The following CD300LF variants were observed in gnomAD, a reference collection of about 807,000 sequenced individuals.
The protein encoded by CD300LF is CD300 molecule like family member f, also known as CMRF35-like molecule 1.
Under a neutral mutation model 32.2 loss-of-function variants are expected in CD300LF, and 27 were observed. The observed-to-expected ratio is 0.84, with a 90% CI of 0.62 to 1.15. The LOEUF (loss-of-function observed/expected upper bound fraction) is 1.15, where lower values mean the gene tolerates loss of function less well. Ranked by LOEUF, CD300LF falls within the 50% of genes most tolerant of loss-of-function variation. The pLI is 0.00. For synonymous variants in CD300LF, 139 were observed against 143.2 expected (o/e 0.97, Z 0.21); for missense variants, 348 against 356.8 (o/e 0.98, Z 0.20).
chr17:74,702,082 G>T (rs1258446235), intron 3 of CD300LF, among the ~76,000 whole-genome samples: 5 of 152,012 alleles, frequency 3.3e-5, no homozygotes, highest in African/African-American at 1.2e-4. Flanking sequence ...GCAAATGGGA[G>T]AGGGGGAGTA....
chr17:74,695,210 G>C lies in CD300LF; in HGVS notation c.759C>G (p.Thr253=), dbSNP rs1425145700. ...PKEDISYASL[T]LGAEDQEPTY... is the part of the protein sequence containing the mutation. ...TCGGTTCCTGATCCTCAGCACCCAAGGTCAGAGATGCATAGGAAATGTCCT... is the reference window on the plus strand; with the variant it reads ...TCGGTTCCTGATCCTCAGCACCCAACGTCAGAGATGCATAGGAAATGTCCT... The change falls in exon 7 of 7, where the codon ACC becomes ACG. Residue 253 remains threonine, a synonymous_variant. Transcript: ENST00000326165. The C allele has an allele frequency of 6.2e-7, 1 of 1,614,056 alleles. No individual in the cohort carries two copies. Among genetic ancestry groups the C allele is most frequent in the Non-Finnish European group, 8.5e-7 (1 of 1,180,026 alleles).
At chr17:74,701,191 C>T (rs1417780806) in intron 3 of CD300LF, among the ~76,000 whole-genome samples, 1 of 152,224 alleles carries the variant, frequency 6.6e-6, no homozygotes, top group Admixed American at 6.5e-5. Flanking sequence ...TCCTTCATCA[C>T]TGGATGTGCA....
At chr17:74,706,969 AC>A (rs1361240980) in intron 1 of CD300LF, among the ~76,000 whole-genome samples, 2 of 152,216 alleles carry the variant, frequency 1.3e-5, no homozygotes, top group African/African-American at 2.4e-5. Context: ...TTATCTCACA[AC>A]ATATACAAAA....
At chr17:74,705,020 C>T (rs1385161631) in intron 1 of CD300LF, among the ~76,000 whole-genome samples, 4 of 152,196 alleles carry the variant, frequency 2.6e-5, no homozygotes, top group Non-Finnish European at 5.9e-5. Context: ...AGCACAACAA[C>T]GGATCCCCCC....
intron 3 of CD300LF, among the ~76,000 whole-genome samples, chr17:74,702,332 A>G (rs2143721885): frequency 6.6e-6 from 1 of 152,124 alleles, no homozygotes; most frequent in South Asian, 2.1e-4. Context: ...AGAGACTTCC[A>G]TCCAAGCTCC....
rs764335923 is a variant in CD300LF, at chr17:74,704,522, G to C, written c.338C>G (p.Thr113Ser). ...AACTGTGACCCCAAGGTCATTTCCA[G>C]TTTTCTCAATTCCACACCAGTAAGT... The part of the protein sequence containing the change: ...ADTYWCGIEK[T>S]GNDLGVTVQV... The change falls in exon 2 of 7, where the codon ACT becomes AGT. Residue 113 changes from threonine to serine, a missense_variant. Thr to Ser is a moderately conservative substitution (Grantham distance 58). Transcript: ENST00000326165. 2 of 1,613,962 alleles carry C rather than the reference G, an allele frequency of 1.2e-6. No homozygotes were observed. The highest frequency in any genetic ancestry group is 1.7e-6 in the Non-Finnish European group (2 of 1,180,010).
chr17:74,702,455 A>G (rs553148567), intron 3 of CD300LF, among the ~76,000 whole-genome samples: 1 of 152,340 alleles, frequency 6.6e-6, no homozygotes, highest in South Asian at 2.1e-4. Context: ...AAGGTCAAAG[A>G]AAACAAAATA....
At chr17:74,701,803 T>C (rs2143706308) in intron 3 of CD300LF, among the ~76,000 whole-genome samples, 1 of 149,166 alleles carries the variant, frequency 6.7e-6, no homozygotes, top group East Asian at 2.0e-4. Flanking sequence ...TGAGCTGAGA[T>C]TATACTACTG....
intron 3 of CD300LF, among the ~76,000 whole-genome samples, chr17:74,700,168 T>TAAAC (rs1358953735): frequency 0.017 from 1,297 of 77,002 alleles, 23 homozygotes; most frequent in African/African-American, 0.037. Context: ...AATAAATAAA[T>TAAAC]AAACAAACAA....
At chr17:74,700,678 G>A (rs1454934632) in intron 3 of CD300LF, among the ~76,000 whole-genome samples, 4 of 152,000 alleles carry the variant, frequency 2.6e-5, no homozygotes, top group African/African-American at 7.3e-5. Context: ...CTTGAACCTG[G>A]GAGGCGTAGG....
chr17:74,706,212 T>C (rs555020288), intron 1 of CD300LF, among the ~76,000 whole-genome samples: 3 of 151,660 alleles, frequency 2.0e-5, no homozygotes, highest in African/African-American at 7.3e-5. Context: ...TCATGCAATA[T>C]ATCCATGTAA....
intron 2 of CD300LF, among the ~76,000 whole-genome samples, chr17:74,703,601 G>C (rs2033254863): frequency 6.6e-6 from 1 of 152,192 alleles, no homozygotes; most frequent in Non-Finnish European, 1.5e-5. Flanking sequence ...CTTTGGGCAA[G>C]TTACAAAACT....
chr17:74,696,233 C>T lies in CD300LF; in HGVS notation c.560-16G>A. The T allele has an allele frequency of 1.2e-6, 2 of 1,604,488 alleles. No homozygotes were observed. The highest frequency in any genetic ancestry group is 1.3e-5 in the African/African-American group (1 of 74,444). Reference sequence around the variant, plus strand: ...ATCCCGGCTGCTAAAAGACAAACAACAATTCAGAATTAGAAAGCCCATTCC... The same window carrying T: ...ATCCCGGCTGCTAAAAGACAAACAATAATTCAGAATTAGAAAGCCCATTCC... On this transcript the variant is annotated splice_polypyrimidine_tract_variant and intron_variant, in intron 4 of 6. Transcript: ENST00000326165.
At chr17:74,702,433 G>C (rs1164535482) in intron 3 of CD300LF, among the ~76,000 whole-genome samples, 1 of 152,208 alleles carries the variant, frequency 6.6e-6, no homozygotes, top group Non-Finnish European at 1.5e-5. Flanking sequence ...TCCACATGGG[G>C]TGGTTGTAGG....
intron 5 of CD300LF, 106 bp downstream of exon 5, chr17:74,696,089 T>A: frequency 7.0e-7 from 1 of 1,431,574 alleles, no homozygotes; most frequent in Non-Finnish European, 9.5e-7. Flanking sequence ...ACAGGATACT[T>A]TGGCACAGGA....
At chr17:74,708,825 G>A (rs1213915484) in intron 1 of CD300LF, among the ~76,000 whole-genome samples, 1 of 151,330 alleles carries the variant, frequency 6.6e-6, no homozygotes, top group African/African-American at 2.4e-5. Context: ...TGAGGCAGGA[G>A]AATGACGTGA....
chr17:74,705,306 T>A, intron 1 of CD300LF: 3 of 690,694 alleles, frequency 4.3e-6, no homozygotes, highest in Non-Finnish European at 5.3e-6. Context: ...TTCTAGTGGT[T>A]CTGGAATAAA....
chr17:74,695,912 G>T, intron 5 of CD300LF, 53 bp from the exon 6 acceptor site: 6 of 1,581,338 alleles, frequency 3.8e-6, no homozygotes, highest in Non-Finnish European at 5.2e-6. Flanking sequence ...GTGGACACAG[G>T]TTCCTTTTCC....
chr17:74,695,914 T>C, intron 5 of CD300LF, 55 bp from the exon 6 acceptor site: 1 of 1,579,332 alleles, frequency 6.3e-7, no homozygotes, highest in Non-Finnish European at 8.6e-7. Flanking sequence ...GGACACAGGT[T>C]CCTTTTCCAC....
Sources: gnomAD v4.1 joint callset for allele counts (sites outside exome capture counted in the v4.1 genomes callset) on GRCh38, gnomAD v4.1.1 for gene constraint, MANE v1.5 for transcripts, NCBI Gene and HGNC (gene_info 2026-07-23, HGNC 2026-07-21) for gene names.